The following NPHS1 variants were observed in gnomAD, a reference collection of about 807,000 sequenced individuals.
NPHS1 encodes the protein nephrin.
Under a neutral mutation model 139.7 loss-of-function variants are expected in NPHS1, and 107 were observed. That is an observed-to-expected ratio of 0.77 (90% CI 0.66 to 0.90). NPHS1 has a LOEUF of 0.90. Among genes scored for constraint, NPHS1 ranks in the 40% least tolerant of loss-of-function variants. NPHS1 has a pLI of 0.00. For synonymous variants in NPHS1, 707 were observed against 706.6 expected, an observed-to-expected ratio of 1.00 and a Z score of -0.01; for missense variants, 1,580 against 1,654.2, an observed-to-expected ratio of 0.96 and a Z score of 0.78.
chr19:35,850,652 G>C (rs370235142), intron 4 of NPHS1, among the ~76,000 whole-genome samples: 1 of 152,034 alleles, frequency 6.6e-6, no homozygotes, highest in African/African-American at 2.4e-5. Context: ...GGGCCTCCCC[G>C]CTCTTCTCAA....
At chr19:35,837,583 T>C (rs1972984428) in intron 22 of NPHS1, among the ~76,000 whole-genome samples, 1 of 143,786 alleles carries the variant, frequency 7.0e-6, no homozygotes, top group African/African-American at 3.0e-5. Context: ...ATTAGCTTCT[T>C]TCTTTCTCTC....
chr19:35,833,609 G>C (rs1972912667), intron 23 of NPHS1, among the ~76,000 whole-genome samples: 1 of 152,218 alleles, frequency 6.6e-6, no homozygotes, highest in South Asian at 2.1e-4. Flanking sequence ...AGGCAAAGTT[G>C]AGAGAGGGTG....
Position 35,851,818 on chromosome 19 carries a change from A to C in NPHS1, c.20T>G (p.Leu7Arg), listed in dbSNP as rs765269906. The C allele has an allele frequency of 9.0e-6, 14 of 1,552,318 alleles. No homozygotes were observed. The South Asian group carries it at 1.7e-4, about 18-fold the overall frequency. MALGTT[L>R]RASLLLLGLL... ...CCCCAGGAGCAGGAGAGAAGCCCTG[A>C]GCGTCGTCCCCAGGGCCATCACAGG... is the stretch of plus-strand genomic sequence containing the variant. Residue 7 changes from leucine to arginine, a missense_variant, in exon 1 of 29, where the codon CTC becomes CGC. Physicochemically the swap from Leu to Arg is moderately radical, Grantham distance 102. Transcript: ENST00000378910.
Position 35,852,086 on chromosome 19 carries a change from CTTTTTTTTTTCTT to C in NPHS1, c.-262_-250del, listed in dbSNP as rs1282268618. ...TTAAAAAAACTTTTTTTTCTTTTTT[CTTTTTTTTTTCTT>C]TTTTTTTTTTTTAGAGACGGGGTCT... On this transcript the variant is annotated 5_prime_UTR_variant, in exon 1 of 29. Transcript: ENST00000378910. 1.4e-4 allele frequency among the ~76,000 whole-genome samples: 20 copies of C among 141,042 alleles called. No individual in the cohort carries two copies. The highest frequency in any genetic ancestry group is 5.0e-4 in the African/African-American group (19 of 37,884). 92.5% of individuals were successfully genotyped at this position (141,042 alleles called of 152,430 possible).
chr19:35,848,422 T>C, intron 9 of NPHS1, 25 bp from the exon 10 acceptor site: 1 of 1,613,978 alleles, frequency 6.2e-7, no homozygotes, highest in South Asian at 1.1e-5. Context: ...GCTTCAGACG[T>C]GGGGACTGCA....
Position 35,851,932 on chromosome 19 carries a change from C to T in NPHS1, c.-95G>A. 1 of 1,059,788 alleles carries T rather than the reference C, an allele frequency of 9.4e-7. No individual in the cohort carries two copies. The highest frequency in any genetic ancestry group is 1.4e-6 in the Non-Finnish European group (1 of 702,140). 65.6% of individuals were successfully genotyped at this position (1,059,788 alleles called of 1,614,324 possible). ...GGTCCCTCTCTGTGTGTCTCTGCCA[C>T]CTGCTTTTCTTTTTTATCTCTTTCC... On this transcript the variant is annotated 5_prime_UTR_variant, in exon 1 of 29. The change creates a new upstream start codon in the 5' untranslated region. Coordinates refer to ENST00000378910, the MANE Select transcript of NPHS1 (RefSeq NM_004646.4).
rs145854762 is a variant in NPHS1 at position 35,828,018 on chromosome 19, A to G, written c.3595-1373T>C. On this transcript the variant is annotated intron_variant, in intron 28 of 28. Coordinates refer to ENST00000378910, the MANE Select transcript of NPHS1 (RefSeq NM_004646.4). ...ATGTAAGTTATGATTATATTGTCCT[A>G]TGAATTTCCAAAACAGTTCCCTAAT... 1.1e-3 allele frequency among the ~76,000 whole-genome samples: 170 copies of G among 152,360 alleles called. 1 individual carries two copies. Among genetic ancestry groups the G allele is most frequent in the Middle Eastern group, 0.01 (3 of 294 alleles).
At chr19:35,837,060 AAGAAAGAAAGAAAAAT>A (rs765487780) in intron 22 of NPHS1, among the ~76,000 whole-genome samples, 28 of 139,384 alleles carry the variant, frequency 2.0e-4, no homozygotes, top group East Asian at 4.1e-4. Flanking sequence ...GAAAGAAAGA[AAGAAAGAAAGAAAAAT>A]AAACTGAGCC....
intron 9 of NPHS1, 101 bp from the exon 10 acceptor site, chr19:35,848,498 T>C (rs1290991748): frequency 2.5e-6 from 4 of 1,590,560 alleles, no homozygotes; most frequent in Non-Finnish European, 2.6e-6. Flanking sequence ...ACAGGAGACA[T>C]CTCTACCTCC....
At chr19:35,835,199 CAAAAA>C (rs71167570) in intron 23 of NPHS1, among the ~76,000 whole-genome samples, 1 of 71,210 alleles carries the variant, frequency 1.4e-5, no homozygotes, top group Admixed American at 2.1e-4. Context: ...GACTCTGTCT[CAAAAA>C]AAAAAAAAAA....
intron 11 of NPHS1, among the ~76,000 whole-genome samples, chr19:35,847,557 T>C (rs1359110495): frequency 1.3e-5 from 2 of 151,182 alleles, no homozygotes; most frequent in Non-Finnish European, 2.9e-5. Flanking sequence ...GGTTTCTCCA[T>C]GTTGGTCAGG....
chr19:35,851,708 G>A, intron 1 of NPHS1, 36 bp from the exon 2 acceptor site: 1 of 1,585,680 alleles, frequency 6.3e-7, no homozygotes, highest in Non-Finnish European at 8.6e-7. Context: ...AAGGGCAGAG[G>A]GTTTGTCTAG....
chr19:35,839,241 GGTA>G lies in NPHS1; in HGVS notation c.3102_3104del (p.Thr1035del). ...TGCCCAAGCCTCCCTTCCCACCTGG[GGTA>G]GTGATGGGAAGCTGGGTCCCTTTGT... On this transcript the variant is annotated inframe_deletion, in exon 22 of 29. Coordinates refer to ENST00000378910, the MANE Select transcript of NPHS1 (RefSeq NM_004646.4). 1 of 1,614,044 alleles carries G rather than the reference GGTA, an allele frequency of 6.2e-7. No homozygotes were observed. Among genetic ancestry groups the G allele is most frequent in the East Asian group, 2.2e-5 (1 of 44,882 alleles).
At chr19:35,842,315 G>A (rs764058824) in intron 18 of NPHS1, 35 bp from the exon 19 acceptor site, 2 of 1,612,312 alleles carry the variant, frequency 1.2e-6, no homozygotes, top group South Asian at 1.1e-5. Context: ...TGAGCTATGT[G>A]GGAGACATGA....
rs1426642071 is a variant in NPHS1, at chr19:35,842,418, C to T, written c.2467G>A (p.Ala823Thr). ...CGGAGCAGCCGTCGTGCTGGAGGCG[C>T]CACCCCATTGTCCACAATGCACTGG... ...AYQCIVDNGV[A>T]PPARRLLRLV... is the part of the protein sequence containing the mutation. Residue 823 changes from alanine to threonine, a missense_variant, in exon 18 of 29, where the codon GCG becomes ACG. Physicochemically the swap from Ala to Thr is moderately conservative, Grantham distance 58. Coordinates refer to ENST00000378910, the MANE Select transcript of NPHS1 (RefSeq NM_004646.4). 1.2e-6 allele frequency: 2 copies of T among 1,614,152 alleles called. No individual in the cohort carries two copies. Among genetic ancestry groups the T allele is most frequent in the East Asian group, 2.2e-5 (1 of 44,890 alleles).
At chr19:35,842,075 G>C (rs371085438) in intron 19 of NPHS1, 49 bp downstream of exon 19, 2 of 1,577,326 alleles carry the variant, frequency 1.3e-6, no homozygotes, top group East Asian at 2.3e-5. Flanking sequence ...AGTGGGGCTG[G>C]AGGTCCAGAC....
At chr19:35,848,845 C>T in intron 8 of NPHS1, 51 bp from the exon 9 acceptor site, 1 of 1,613,544 alleles carries the variant, frequency 6.2e-7, no homozygotes, top group South Asian at 1.1e-5. Flanking sequence ...TTCTCACAGA[C>T]CAGCCCAGAC....
In NPHS1 at chr19:35,852,007, A is replaced by ATC. The variant is rs1218960259; in HGVS notation, c.-172_-171dup. 2.7e-5 allele frequency among the ~76,000 whole-genome samples: 4 copies of ATC among 149,898 alleles called. No individual in the cohort carries two copies. The highest frequency in any genetic ancestry group is 5.9e-5 in the Non-Finnish European group (4 of 67,422). On this transcript the variant is annotated 5_prime_UTR_variant, in exon 1 of 29. Transcript: ENST00000378910. The stretch of plus-strand genomic sequence containing the variant: ...TCCTCTTCCCCTCTTCCCTGTGAGT[A>ATC]TCTCTCTCTGTCTTGCTCTCAGTCT...
rs1018945881 is a variant in NPHS1 at position 35,826,330 on chromosome 19, C to G, written c.*184G>C. 2 of 661,578 alleles carry G rather than the reference C, an allele frequency of 3.0e-6. No homozygotes were observed. The highest frequency in any genetic ancestry group is 5.4e-5 in the Admixed American group (2 of 37,132). The allele number at this position is 661,578 out of a possible 1,614,324, so 41.0% of individuals were successfully genotyped here. ...TTCTAAAGCCAACCCCAGGATGCAC[C>G]TTGTTTCTACTCTGGTACCAGCTGA... On this transcript the variant is annotated 3_prime_UTR_variant, in exon 29 of 29. Coordinates refer to ENST00000378910, the MANE Select transcript of NPHS1 (RefSeq NM_004646.4).
Sources: allele counts gnomAD v4.1 joint callset (sites outside exome capture counted in the v4.1 genomes callset), GRCh38; gene constraint gnomAD v4.1.1; transcripts MANE v1.5; gene names NCBI Gene and HGNC (gene_info 2026-07-23, HGNC 2026-07-21).